Variants in AFF1 observed in about 807,000 individuals in gnomAD.
AFF1 encodes the protein AF4/FMR2 family member 1.
Under a neutral mutation model 121.7 loss-of-function variants are expected in AFF1, and 48 were observed. The ratio of observed to expected loss-of-function variants is 0.39; its 90% CI spans 0.31 to 0.50. The LOEUF (loss-of-function observed/expected upper bound fraction) is 0.50, where lower values mean the gene tolerates loss of function less well. Ranked by LOEUF, AFF1 falls within the 20% of genes least tolerant of loss-of-function variation. AFF1 has a pLI of 0.76. For synonymous variants in AFF1, 613 were observed against 563.0 expected, an observed-to-expected ratio of 1.09 and a Z score of -1.26; for missense variants, 1,523 against 1,511.7, an observed-to-expected ratio of 1.01 and a Z score of -0.12.
At chr4:86,984,134 GT>G (rs2149494155) in intron 2 of AFF1, among the ~76,000 whole-genome samples, 1 of 152,252 alleles carries the variant, frequency 6.6e-6, no homozygotes, top group East Asian at 1.9e-4. Context: ...CTTTATAAAT[GT>G]GTAAGTGACA....
At chr4:87,104,148 T>C (rs1725688027) in intron 8 of AFF1, among the ~76,000 whole-genome samples, 1 of 152,228 alleles carries the variant, frequency 6.6e-6, no homozygotes, top group Non-Finnish European at 1.5e-5. Context: ...GGCTCACGCC[T>C]GTAACCCCAG....
intron 2 of AFF1, among the ~76,000 whole-genome samples, chr4:87,017,821 T>G (rs11937692): frequency 0.044 from 6,764 of 152,196 alleles, 484 homozygotes; most frequent in African/African-American, 0.15. Context: ...CCGACTTCAG[T>G]TAAAGATAGA....
chr4:87,091,143 G>A (rs986094101), intron 6 of AFF1, among the ~76,000 whole-genome samples: 1 of 151,660 alleles, frequency 6.6e-6, no homozygotes, highest in Non-Finnish European at 1.5e-5. Flanking sequence ...GGTGGCTTAT[G>A]CTTGTAATCC....
At chr4:87,087,605 C>A (rs971550742) in intron 5 of AFF1, among the ~76,000 whole-genome samples, 3 of 152,186 alleles carry the variant, frequency 2.0e-5, no homozygotes, top group African/African-American at 7.2e-5. Flanking sequence ...TTCTGAGCAG[C>A]CTCTTCTCCT....
chr4:87,126,797 G>A (rs1728292827), intron 14 of AFF1, among the ~76,000 whole-genome samples: 1 of 152,164 alleles, frequency 6.6e-6, no homozygotes, highest in African/African-American at 2.4e-5. Flanking sequence ...GGCTTTGTGA[G>A]TTCTCTGATC....
chr4:86,995,283 TC>T (rs1725038407), intron 2 of AFF1, among the ~76,000 whole-genome samples: 1 of 39,972 alleles, frequency 2.5e-5, no homozygotes, highest in South Asian at 1.1e-3. Context: ...CCTCCCCCTC[TC>T]CCTCCCCCTC....
intron 2 of AFF1, chr4:86,950,041 G>A: frequency 1.2e-6 from 2 of 1,614,122 alleles, no homozygotes; most frequent in Middle Eastern, 1.6e-4. Context: ...TAGGGGGAGT[G>A]TAGAGAGGGT....
Position 87,114,729 on chromosome 4 carries a change from G to A in AFF1, c.1896G>A (p.Arg632=). The A allele has an allele frequency of 3.7e-6, 6 of 1,613,934 alleles. No homozygotes were observed. The highest frequency in any genetic ancestry group is 5.1e-6 in the Non-Finnish European group (6 of 1,179,968). The change falls in exon 12 of 21, where the codon AGG becomes AGA. Residue 632 remains arginine (R), a synonymous_variant. Transcript: ENST00000395146. ...AGSRTSLQGE[R]EPGLLPYGSR... The stretch of plus-strand genomic sequence containing the variant: ...CACGGACCAGCCTGCAGGGGGAAAG[G>A]GAGCCAGGGCTTCTTCCCTATGGCT...
At chr4:87,103,670 A>G (rs1725641718) in intron 8 of AFF1, among the ~76,000 whole-genome samples, 1 of 152,242 alleles carries the variant, frequency 6.6e-6, no homozygotes, top group Non-Finnish European at 1.5e-5. Flanking sequence ...AGTGGAGCCA[A>G]AAGTCAGAAC....
At chr4:87,109,568 G>T (rs749494597) in intron 11 of AFF1, among the ~76,000 whole-genome samples, 4 of 152,140 alleles carry the variant, frequency 2.6e-5, no homozygotes, top group Non-Finnish European at 5.9e-5. Context: ...TGAATATGCT[G>T]TGCAGACAAA....
intron 4 of AFF1, 184 bp downstream of exon 4, chr4:87,047,778 T>C (rs1730868166): frequency 6.1e-6 from 5 of 817,824 alleles, no homozygotes; most frequent in Admixed American, 3.8e-5. Context: ...GACGACTGAT[T>C]ATAGATATTG....
At chr4:87,055,986 T>G (rs1304778831) in intron 4 of AFF1, among the ~76,000 whole-genome samples, 2 of 152,214 alleles carry the variant, frequency 1.3e-5, no homozygotes, top group Non-Finnish European at 2.9e-5. Flanking sequence ...ATAACTCTAT[T>G]GATGGTTTTT....
At chr4:86,992,266 T>G (rs1724790683) in intron 2 of AFF1, among the ~76,000 whole-genome samples, 1 of 152,294 alleles carries the variant, frequency 6.6e-6, no homozygotes, top group East Asian at 1.9e-4. Flanking sequence ...TTTTCTTATC[T>G]CTGAAGCAAG....
In AFF1 at chr4:86,951,615, C is replaced by CTTTTTTCTT. The variant is rs1721324586; in HGVS notation, c.38+3050_38+3051insCTTTTTTTT. ...GAACTTTTTTTTCTTTTTCTTTTTT[C>CTTTTTTCTT]TTTTTTTCTTTTTTTTTTTTTTTTT... On this transcript the variant is annotated intron_variant, in intron 2 of 20. Coordinates refer to ENST00000395146, the MANE Select transcript of AFF1 (RefSeq NM_001166693.3). 4.4e-4 allele frequency among the ~76,000 whole-genome samples: 55 copies of CTTTTTTCTT among 124,972 alleles called. 1 individual carries two copies. The highest frequency in any genetic ancestry group is 1.7e-3 in the African/African-American group (52 of 29,940). 82.0% of individuals were successfully genotyped at this position (124,972 alleles called of 152,430 possible). A position where few individuals can be genotyped will look rare whatever the true frequency, so the allele number is the denominator to read the frequency against.
intron 16 of AFF1, among the ~76,000 whole-genome samples, chr4:87,130,700 A>T (rs1296009624): frequency 2.6e-5 from 4 of 152,248 alleles, no homozygotes; most frequent in African/African-American, 9.6e-5. Context: ...TTCAGCACGC[A>T]CAAAGAAATA....
chr4:87,121,371 C>T (rs1203921374), intron 12 of AFF1, among the ~76,000 whole-genome samples: 1 of 152,170 alleles, frequency 6.6e-6, no homozygotes, highest in Non-Finnish European at 1.5e-5. Context: ...TTTCTGCTCA[C>T]CCAATATTGC....
At chr4:87,059,762 T>C (rs550065490) in intron 4 of AFF1, among the ~76,000 whole-genome samples, 178 of 152,314 alleles carry the variant, frequency 1.2e-3, no homozygotes, top group African/African-American at 4.2e-3. Flanking sequence ...TAGATGACTT[T>C]CTGCTGTGCA....
chr4:86,938,414 C>G (rs1720203427), intron 1 of AFF1, among the ~76,000 whole-genome samples: 2 of 145,634 alleles, frequency 1.4e-5, no homozygotes. Context: ...TGCACTGCTG[C>G]ACTCCAGCCT....
chr4:87,124,599 A>G (rs1479294512), intron 12 of AFF1, among the ~76,000 whole-genome samples: 1 of 152,214 alleles, frequency 6.6e-6, no homozygotes, highest in Non-Finnish European at 1.5e-5. Context: ...ACAATAAACT[A>G]GTGGGTTTAA....
Sources: allele counts gnomAD v4.1 joint callset (sites outside exome capture counted in the v4.1 genomes callset), GRCh38; gene constraint gnomAD v4.1.1; transcripts MANE v1.5; gene names NCBI Gene and HGNC (gene_info 2026-07-23, HGNC 2026-07-21).